Variants in PTPRN2 observed in about 807,000 individuals in gnomAD.
PTPRN2 encodes protein tyrosine phosphatase receptor type N2, also known as receptor-type tyrosine-protein phosphatase N2.
In PTPRN2, 74 loss-of-function variants were observed where a neutral mutation model predicts 118.8. The observed-to-expected ratio is 0.62, with a 90% CI of 0.52 to 0.76. The LOEUF (loss-of-function observed/expected upper bound fraction) is 0.76, where lower values mean the gene tolerates loss of function less well. Among genes scored for constraint, PTPRN2 ranks in the 30% least tolerant of loss-of-function variants. PTPRN2 has a pLI of 0.00. For synonymous variants in PTPRN2, 641 were observed against 608.0 expected, an observed-to-expected ratio of 1.05 and a Z score of -0.80; for missense variants, 1,481 against 1,394.4, an observed-to-expected ratio of 1.06 and a Z score of -0.99.
At chr7:158,506,691 A>T (rs1822770046) in intron 1 of PTPRN2, among the ~76,000 whole-genome samples, 1 of 151,914 alleles carries the variant, frequency 6.6e-6, no homozygotes, top group Non-Finnish European at 1.5e-5. Flanking sequence ...ACTGGCAGGA[A>T]GGGCCCCGAT....
chr7:157,724,265 G>A (rs566693503), intron 12 of PTPRN2, among the ~76,000 whole-genome samples: 2 of 152,348 alleles, frequency 1.3e-5, no homozygotes, highest in South Asian at 4.1e-4. Context: ...ATTTGCAGAC[G>A]CTTGCTTACA....
intron 1 of PTPRN2, chr7:158,541,606 T>C (rs1825987169): frequency 7.4e-7 from 1 of 1,350,984 alleles, no homozygotes; most frequent in Non-Finnish European, 9.8e-7. Context: ...TCCACAGCCA[T>C]CTGGCTGTCA....
In PTPRN2 at chr7:157,548,804, C is replaced by A. The variant is rs146461673; in HGVS notation, c.2976+142G>T. 158 of 822,904 alleles carry A rather than the reference C, an allele frequency of 1.9e-4. 2 individuals carry two copies. Among genetic ancestry groups the A allele is most frequent in the Non-Finnish European group, 2.7e-4 (135 of 508,378 alleles). The allele number at this position is 822,904 out of a possible 1,614,324, so 51.0% of individuals were successfully genotyped here. A position where few individuals can be genotyped will look rare whatever the true frequency, so the allele number is the denominator to read the frequency against. On this transcript the variant is annotated intron_variant, in intron 22 of 22. Transcript: ENST00000389418. ...AGAAGTGACCCCGCCCATGCAAGGC[C>A]GGCATGGACGAGGCCGGTCAGAGCA... is the stretch of plus-strand genomic sequence containing the variant.
At chr7:158,443,751 A>T (rs1440664669) in intron 2 of PTPRN2, among the ~76,000 whole-genome samples, 2 of 152,204 alleles carry the variant, frequency 1.3e-5, no homozygotes, top group Non-Finnish European at 2.9e-5. Context: ...GGAGGGTTCC[A>T]AGGCCTGTGG....
intron 2 of PTPRN2, among the ~76,000 whole-genome samples, chr7:158,470,126 C>T (rs963521267): frequency 1.3e-5 from 2 of 152,156 alleles, no homozygotes; most frequent in Non-Finnish European, 2.9e-5. Flanking sequence ...GGAAAATCGT[C>T]AAGTAGAAAT....
intron 3 of PTPRN2, among the ~76,000 whole-genome samples, chr7:158,260,629 A>G (rs1243708233): frequency 6.6e-6 from 1 of 152,210 alleles, no homozygotes; most frequent in African/African-American, 2.4e-5. Context: ...TGCTGATAGT[A>G]AGGTTAAAAT....
chr7:158,284,550 C>T (rs945319000), intron 3 of PTPRN2, among the ~76,000 whole-genome samples: 3 of 152,152 alleles, frequency 2.0e-5, no homozygotes, highest in South Asian at 2.1e-4. Context: ...GAGCCACTGT[C>T]GGTGGTTTTG....
At chr7:158,421,400 G>A (rs573159517) in intron 2 of PTPRN2, among the ~76,000 whole-genome samples, 301 of 152,268 alleles carry the variant, frequency 2.0e-3, no homozygotes, top group African/African-American at 6.8e-3. Flanking sequence ...CTGAGCGGAG[G>A]GCAACGTTTC....
At chr7:157,570,762 T>C (rs1253230062) in intron 20 of PTPRN2, among the ~76,000 whole-genome samples, 1 of 152,178 alleles carries the variant, frequency 6.6e-6, no homozygotes, top group Non-Finnish European at 1.5e-5. Flanking sequence ...CCCCAAGCAT[T>C]TCTCACCATC....
chr7:158,560,077 A>G (rs1307070210), intron 1 of PTPRN2, among the ~76,000 whole-genome samples: 2 of 152,210 alleles, frequency 1.3e-5, no homozygotes, highest in East Asian at 1.9e-4. Context: ...ACCTCGTATC[A>G]AACAGCATTT....
At chr7:158,520,771 C>T (rs1382302553) in intron 1 of PTPRN2, among the ~76,000 whole-genome samples, 1 of 152,178 alleles carries the variant, frequency 6.6e-6, no homozygotes, top group Non-Finnish European at 1.5e-5. Context: ...ATCAGAAAAT[C>T]CTAATCCCTG....
At chr7:158,179,485 C>T (rs1824509202) in intron 5 of PTPRN2, among the ~76,000 whole-genome samples, 1 of 152,086 alleles carries the variant, frequency 6.6e-6, no homozygotes, top group African/African-American at 2.4e-5. Flanking sequence ...TGAAGCTTTT[C>T]AGTTTAATTA....
At chr7:157,786,008 C>T (rs1302746238) in intron 12 of PTPRN2, among the ~76,000 whole-genome samples, 2 of 152,124 alleles carry the variant, frequency 1.3e-5, no homozygotes, top group African/African-American at 2.4e-5. Context: ...GAGATGGTCC[C>T]GTGCAAGTGC....
At position 157,828,841 on chromosome 7, in the gene PTPRN2, T is replaced by C. The variant is rs553168010; in HGVS notation, c.1788+69832A>G. The stretch of plus-strand genomic sequence containing the variant: ...TAGTGGAGAATTTTAACAACGCCAC[T>C]CAGTTTTATTTGCGTAACCCCCTAT... On this transcript the variant is annotated intron_variant, in intron 12 of 22. Transcript: ENST00000389418. Among the ~76,000 whole-genome samples the C allele has an allele frequency of 3.7e-4, 57 of 152,330 alleles. 1 individual carries two copies. The highest frequency in any genetic ancestry group is 1.3e-3 in the African/African-American group (56 of 41,578).
chr7:158,366,141 A>C lies in PTPRN2; in HGVS notation c.164-49209T>G, dbSNP rs1809485597. Among the ~76,000 whole-genome samples, 3 of 142,452 alleles carry C rather than the reference A, an allele frequency of 2.1e-5. No homozygotes were observed. In the South Asian group the frequency reaches 7.0e-4, roughly 33 times the overall value. 93.5% of individuals were successfully genotyped at this position (142,452 alleles called of 152,430 possible). A position where few individuals can be genotyped will look rare whatever the true frequency, so the allele number is the denominator to read the frequency against. On this transcript the variant is annotated intron_variant, in intron 2 of 22. Transcript: ENST00000389418. ...CCAATGCACGCGTGCACATGCACAC[A>C]CACCCACACACCCACAGCATCCCTG...
intron 3 of PTPRN2, among the ~76,000 whole-genome samples, chr7:158,242,906 T>C (rs574591008): frequency 6.6e-6 from 1 of 152,314 alleles, no homozygotes; most frequent in South Asian, 2.1e-4. Context: ...TATTTGAGTC[T>C]TCTCTCATTT....
At chr7:157,614,315 G>A (rs1457193978) in intron 15 of PTPRN2, among the ~76,000 whole-genome samples, 1 of 152,150 alleles carries the variant, frequency 6.6e-6, no homozygotes, top group Non-Finnish European at 1.5e-5. Context: ...GAAGGGGGCA[G>A]GTGAGCTTCT....
intron 11 of PTPRN2, among the ~76,000 whole-genome samples, chr7:157,996,890 C>T (rs957537198): frequency 6.6e-6 from 1 of 152,182 alleles, no homozygotes; most frequent in Non-Finnish European, 1.5e-5. Flanking sequence ...CTCAGGAGAC[C>T]CAACCTCCCT....
chr7:157,550,155 G>A lies in PTPRN2; in HGVS notation c.2903-1136C>T, dbSNP rs1023149391. Among the ~76,000 whole-genome samples the A allele has an allele frequency of 2.6e-5, 4 of 152,240 alleles. No homozygotes were observed. The highest frequency in any genetic ancestry group is 7.2e-5 in the African/African-American group (3 of 41,462). On this transcript the variant is annotated intron_variant, in intron 21 of 22. Transcript: ENST00000389418. The surrounding 1 kb of genome is among the most constrained non-coding windows in gnomAD (Gnocchi z 5.2). Reference sequence around the variant, plus strand: ...ACATTCCTCGCCCAGCGAATCAGGAGAGAAGCTTTAAAATTCCCGAGGTTC... The same window carrying A: ...ACATTCCTCGCCCAGCGAATCAGGAAAGAAGCTTTAAAATTCCCGAGGTTC...
Sources: gnomAD v4.1 joint callset for allele counts (sites outside exome capture counted in the v4.1 genomes callset) on GRCh38, gnomAD v4.1.1 for gene constraint, Gnocchi (gnomAD v3.1) non-coding constraint, MANE v1.5 for transcripts, NCBI Gene and HGNC (gene_info 2026-07-23, HGNC 2026-07-21) for gene names.